Variants in GLIS3 observed in about 807,000 individuals in gnomAD.
GLIS3 encodes the protein GLIS family zinc finger 3, also known as zinc finger protein GLIS3.
GLIS3 carries 53 observed loss-of-function variants against 78.6 expected under a neutral mutation model. The ratio of observed to expected loss-of-function variants is 0.67; its 90% CI spans 0.54 to 0.85. The LOEUF is 0.85. Ranked by LOEUF, GLIS3 falls within the 40% of genes least tolerant of loss-of-function variation. The pLI is 0.00. For missense variants in GLIS3, 1,703 were observed against 1,231.1 expected, an observed-to-expected ratio of 1.38 and a Z score of -5.74; for synonymous variants, 684 against 509.9, an observed-to-expected ratio of 1.34 and a Z score of -4.60.
At chr9:3,982,776 G>T (rs1044931843) in intron 4 of GLIS3, among the ~76,000 whole-genome samples, 1 of 152,074 alleles carries the variant, frequency 6.6e-6, no homozygotes, top group Non-Finnish European at 1.5e-5. Flanking sequence ...AAAAAAGTTG[G>T]CTTGCATCTC....
At chr9:3,925,346 C>T (rs1472942737) in intron 6 of GLIS3, among the ~76,000 whole-genome samples, 1 of 152,158 alleles carries the variant, frequency 6.6e-6, no homozygotes, top group Non-Finnish European at 1.5e-5. Context: ...GAGAGTGGGG[C>T]CAGGTCTTGC....
chr9:4,273,290 T>C lies in GLIS3; in HGVS notation c.388+12748A>G, dbSNP rs117247720. On this transcript the variant is annotated intron_variant, in intron 2 of 10. Coordinates refer to ENST00000381971, the MANE Select transcript of GLIS3 (RefSeq NM_001042413.2). ...ACAACACTTTACCTGCCCTACCAGT[T>C]TGCCACTTAAAATGCACTTCTGCAC... is the stretch of plus-strand genomic sequence containing the variant. 2.7e-3 allele frequency among the ~76,000 whole-genome samples: 411 copies of C among 152,266 alleles called. 4 individuals carry two copies. Among genetic ancestry groups the C allele is most frequent in the Non-Finnish European group, 3.8e-3 (256 of 68,022 alleles).
At chr9:4,359,810 C>T in the GLIS3 span, among the ~76,000 whole-genome samples, 1 of 152,116 alleles carries the variant, frequency 6.6e-6, no homozygotes, top group South Asian at 2.1e-4. Context: ...TAATATTTAC[C>T]TTGAAAAATA....
At chr9:3,942,102 T>C (rs953424831) in intron 4 of GLIS3, among the ~76,000 whole-genome samples, 1 of 152,148 alleles carries the variant, frequency 6.6e-6, no homozygotes, top group Non-Finnish European at 1.5e-5. Context: ...TTACTTAGAG[T>C]GCTGAGAAGC....
At chr9:4,160,310 C>A (rs956583267) in intron 2 of GLIS3, among the ~76,000 whole-genome samples, 75 of 152,218 alleles carry the variant, frequency 4.9e-4, no homozygotes, top group African/African-American at 1.7e-3. Context: ...GCTTCAAGAC[C>A]ACCATAAATC....
intron 2 of GLIS3, among the ~76,000 whole-genome samples, chr9:4,239,828 C>A (rs1184974919): frequency 6.6e-6 from 1 of 152,202 alleles, no homozygotes; most frequent in African/African-American, 2.4e-5. Flanking sequence ...TTTGTATCAT[C>A]TACCACGGTC....
At chr9:4,069,383 T>C (rs564226607) in intron 4 of GLIS3, among the ~76,000 whole-genome samples, 10 of 152,298 alleles carry the variant, frequency 6.6e-5, no homozygotes, top group African/African-American at 2.4e-4. Context: ...AATCTTCCAG[T>C]TGCTATCTCC....
At chr9:3,833,363 T>C (rs1247620484) in intron 9 of GLIS3, among the ~76,000 whole-genome samples, 1 of 152,196 alleles carries the variant, frequency 6.6e-6, no homozygotes, top group Non-Finnish European at 1.5e-5. Flanking sequence ...TTTTAAAAAA[T>C]TCCGTTAGGG....
At chr9:3,854,104 T>A (rs1380066678) in intron 9 of GLIS3, among the ~76,000 whole-genome samples, 1 of 152,216 alleles carries the variant, frequency 6.6e-6, no homozygotes, top group African/African-American at 2.4e-5. Context: ...GTGCATCTAC[T>A]GCCTGGAGTG....
chr9:4,252,968 T>C (rs1240781353), intron 2 of GLIS3, among the ~76,000 whole-genome samples: 1 of 152,236 alleles, frequency 6.6e-6, no homozygotes, highest in East Asian at 1.9e-4. Context: ...AATTGCTGCC[T>C]GATCCTTCCT....
intron 4 of GLIS3, among the ~76,000 whole-genome samples, chr9:3,942,886 T>G (rs890130253): frequency 2.0e-5 from 3 of 151,002 alleles, no homozygotes; most frequent in African/African-American, 4.9e-5. Context: ...CGAAATAAAA[T>G]AAACAAAAGA....
the GLIS3 span, among the ~76,000 whole-genome samples, chr9:4,461,562 T>C: frequency 6.6e-6 from 1 of 152,240 alleles, no homozygotes; most frequent in Non-Finnish European, 1.5e-5. Context: ...TTGGATTCTT[T>C]GCTACTCCTC....
At chr9:3,899,753 G>GTGTT (rs2130609991) in intron 6 of GLIS3, among the ~76,000 whole-genome samples, 1 of 152,276 alleles carries the variant, frequency 6.6e-6, no homozygotes, top group East Asian at 1.9e-4. Context: ...TATTTATTAA[G>GTGTT]TGTTTGTTAC....
intron 9 of GLIS3, among the ~76,000 whole-genome samples, chr9:3,848,973 G>A (rs956935016): frequency 6.6e-6 from 1 of 152,240 alleles, no homozygotes; most frequent in Non-Finnish European, 1.5e-5. Context: ...AACCACAGGA[G>A]CCGTGAACAA....
At chr9:4,196,969 C>T (rs1818916452) in intron 2 of GLIS3, among the ~76,000 whole-genome samples, 1 of 152,202 alleles carries the variant, frequency 6.6e-6, no homozygotes. Context: ...GCACTTGGAG[C>T]ATCTGCTTGC....
intron 4 of GLIS3, among the ~76,000 whole-genome samples, chr9:4,066,333 G>T (rs1303390937): frequency 6.6e-6 from 1 of 152,002 alleles, no homozygotes; most frequent in Non-Finnish European, 1.5e-5. Context: ...AGGCACCGTG[G>T]GTGGGAAATC....
chr9:3,959,927 G>A (rs983127859), intron 4 of GLIS3, among the ~76,000 whole-genome samples: 2 of 152,156 alleles, frequency 1.3e-5, no homozygotes, highest in Non-Finnish European at 2.9e-5. Context: ...CGAGGCAGGC[G>A]GACCACCTGA....
chr9:4,393,941 G>A, the GLIS3 span, among the ~76,000 whole-genome samples: 1 of 152,168 alleles, frequency 6.6e-6, no homozygotes, highest in Non-Finnish European at 1.5e-5. Flanking sequence ...GTGGGCCTGA[G>A]TGTGAATTTA....
In GLIS3 at chr9:3,909,617, G is replaced by A. The variant is rs1417145684; in HGVS notation, c.1984-10782C>T. On this transcript the variant is annotated intron_variant, in intron 6 of 10. Transcript: ENST00000381971. ...CTGATTAATGAGCACTCCAAAATAC[G>A]TGAATGGGTACACATGCTGGGGTAT... Among the ~76,000 whole-genome samples the A allele has an allele frequency of 2.0e-5, 3 of 152,186 alleles. No homozygotes were observed. The East Asian group carries it at 5.8e-4, about 29-fold the overall frequency.
Sources: allele counts gnomAD v4.1 joint callset (sites outside exome capture counted in the v4.1 genomes callset), GRCh38; gene constraint gnomAD v4.1.1; transcripts MANE v1.5; gene names NCBI Gene and HGNC (gene_info 2026-07-23, HGNC 2026-07-21).